Variants in MYCBP2 observed in about 807,000 individuals in gnomAD.
The protein encoded by MYCBP2 is MYC binding protein 2, also known as E3 ubiquitin-protein ligase MYCBP2.
MYCBP2 carries 120 observed loss-of-function variants against 525.3 expected under a neutral mutation model. The observed-to-expected ratio is 0.23, with a 90% CI of 0.20 to 0.27. The LOEUF (loss-of-function observed/expected upper bound fraction) is 0.27, where lower values mean the gene tolerates loss of function less well. Among genes scored for constraint, MYCBP2 ranks in the 10% least tolerant of loss-of-function variants. MYCBP2 has a pLI of 1.00. For synonymous variants in MYCBP2, 1,894 were observed against 1,955.8 expected (o/e 0.97, Z 0.83); for missense variants, 4,149 against 5,657.1 (o/e 0.73, Z 8.55).
In MYCBP2 at chr13:77,205,534, C is replaced by G; in HGVS notation, c.3654G>C (p.Glu1218Asp). Residue 1218 changes from glutamate to aspartate, a missense_variant, in exon 25 of 83, where the codon GAG (glutamate) becomes GAC (aspartate). Physicochemically the swap from Glu to Asp is conservative, Grantham distance 45. This residue lies in a region of MYCBP2 where 620 missense variants were observed against 795.5 expected (regional missense o/e 0.78). Transcript: ENST00000544440. ...AATAAACCTTCATTACTGCTTGAGT[C>G]TCTTCCTCTGTACTTGCAACACCCA... ...LKMGVASTEE[E>D]TQAVMKVYSK... The G allele has an allele frequency of 6.2e-7, 1 of 1,613,660 alleles. No individual in the cohort carries two copies. The highest frequency in any genetic ancestry group is 8.5e-7 in the Non-Finnish European group (1 of 1,179,774).
rs146002243 is a variant in MYCBP2, at chr13:77,296,824, T to C, written c.303-150A>G. The C allele has an allele frequency of 1.1e-3, 686 of 596,792 alleles. 5 individuals are homozygous for C. Among genetic ancestry groups the C allele is most frequent in the African/African-American group, 0.011 (554 of 51,764 alleles). The allele number at this position is 596,792 out of a possible 1,614,324, so 37.0% of individuals were successfully genotyped here. On this transcript the variant is annotated intron_variant, in intron 1 of 82. Coordinates refer to ENST00000544440, the MANE Select transcript of MYCBP2 (RefSeq NM_015057.5). ...AAACAATATACTTTACATACACATA[T>C]AAGATACTAACATATAAAGTAGCTA...
chr13:77,283,914 C>T (rs1567151981), intron 3 of MYCBP2, among the ~76,000 whole-genome samples: 1 of 151,956 alleles, frequency 6.6e-6, no homozygotes, highest in African/African-American at 2.4e-5. Context: ...AAAATAAAAA[C>T]AAAAATAATA....
chr13:77,144,206 T>A (rs1213296164), intron 49 of MYCBP2: 13 of 486,554 alleles, frequency 2.7e-5, no homozygotes, highest in Non-Finnish European at 4.8e-5. Context: ...ACTAGTAACA[T>A]CAGGAAATGG....
chr13:77,256,076 C>T (rs1474762268), intron 14 of MYCBP2, among the ~76,000 whole-genome samples: 1 of 151,986 alleles, frequency 6.6e-6, no homozygotes, highest in Non-Finnish European at 1.5e-5. Context: ...GCCCTTTGTT[C>T]TCTTCAATGG....
chr13:77,247,188 C>A (rs1369125306), intron 15 of MYCBP2, among the ~76,000 whole-genome samples: 1 of 152,076 alleles, frequency 6.6e-6, no homozygotes, highest in East Asian at 1.9e-4. Context: ...ACAGATAATA[C>A]AATCTCATAA....
intron 10 of MYCBP2, among the ~76,000 whole-genome samples, chr13:77,263,176 TTAC>T (rs2073581884): frequency 1.3e-5 from 2 of 152,020 alleles, no homozygotes; most frequent in Non-Finnish European, 2.9e-5. Context: ...GTAAGGCCAA[TTAC>T]CATTTTGACA....
chr13:77,068,469 A>G (rs2040570324), intron 70 of MYCBP2, 96 bp downstream of exon 70: 1 of 1,415,952 alleles, frequency 7.1e-7, no homozygotes, highest in African/African-American at 1.4e-5. Flanking sequence ...ATAAAAATCT[A>G]TACTTAGGGT....
rs199670865 is a variant in MYCBP2 at position 77,068,841 on chromosome 13, G to A, written c.11905-10C>T. On this transcript the variant is annotated splice_polypyrimidine_tract_variant and intron_variant, in intron 69 of 82. Transcript: ENST00000544440. ...CAATATGAGCACACACCTATTTAAA[G>A]TTAACACAGAACATGTAAAAATATA... 401 of 1,611,330 alleles carry A rather than the reference G, an allele frequency of 2.5e-4. No homozygotes were observed. The highest frequency in any genetic ancestry group is 3.2e-4 in the Non-Finnish European group (379 of 1,178,960).
At chr13:77,056,186 C>G (rs1017754106) in intron 79 of MYCBP2, among the ~76,000 whole-genome samples, 1 of 144,322 alleles carries the variant, frequency 6.9e-6, no homozygotes, top group Non-Finnish European at 1.5e-5. Context: ...GAAGGCAGAA[C>G]GCCAGGTGAC....
At position 77,206,905 on chromosome 13, in the gene MYCBP2, CAA is replaced by C. The variant is rs535734315; in HGVS notation, c.3417-82_3417-81del. On this transcript the variant is annotated intron_variant, in intron 23 of 82. Transcript: ENST00000544440. ...AATTCCTAAAACATAACTGATGATA[CAA>C]AGAGAATAAATAATATAGTCAGCTT... 6.0e-4 allele frequency: 727 copies of C among 1,209,518 alleles called. 2 individuals are homozygous for C. In the Middle Eastern group the frequency reaches 0.012, roughly 20 times the overall value. 74.9% of individuals were successfully genotyped at this position (1,209,518 alleles called of 1,614,324 possible). A position where few individuals can be genotyped will look rare whatever the true frequency, so the allele number is the denominator to read the frequency against.
rs367828120 is a variant in MYCBP2, at chr13:77,326,506, C to A, written c.270G>T (p.Gln90His). The change falls in exon 1 of 83, where the codon CAG becomes CAT. Residue 90 changes from glutamine (Q) to histidine (H), a missense_variant. This residue lies in a region of MYCBP2 where 413 missense variants were observed against 451.2 expected (regional missense o/e 0.92). Transcript: ENST00000544440. This position sits in a 1 kb window ranked among gnomAD's most constrained non-coding sequence, Gnocchi z 4.2. ...CTGGGTGTCCAGCGCTGCCGCCCCCCTGGTCCCTGTCATTGAGCGCAGCGG... is the reference window on the plus strand; with the variant it reads ...CTGGGTGTCCAGCGCTGCCGCCCCCATGGTCCCTGTCATTGAGCGCAGCGG... ...IYTAALNDRD[Q>H]GGGSAGHPAS... 3.8e-5 allele frequency: 61 copies of A among 1,593,312 alleles called. No homozygotes were observed. The highest frequency in any genetic ancestry group is 5.0e-5 in the Non-Finnish European group (58 of 1,170,656).
chr13:77,127,922 T>C (rs552027563), intron 52 of MYCBP2, among the ~76,000 whole-genome samples: 9 of 152,022 alleles, frequency 5.9e-5, no homozygotes, highest in South Asian at 2.1e-4. Context: ...TTTTTACTTA[T>C]ACAAATATGT....
intron 2 of MYCBP2, among the ~76,000 whole-genome samples, chr13:77,293,867 A>G (rs2077748906): frequency 6.6e-6 from 1 of 152,026 alleles, no homozygotes; most frequent in African/African-American, 2.4e-5. Context: ...AGCCTTGCTG[A>G]CACCTTGATT....
chr13:77,055,411 G>C (rs1352437100), intron 80 of MYCBP2, 147 bp downstream of exon 80: 6 of 716,168 alleles, frequency 8.4e-6, no homozygotes, highest in Non-Finnish European at 1.1e-5. Context: ...AGTTTTACTG[G>C]AAACATTGGG....
At position 77,061,201 on chromosome 13, in the gene MYCBP2, A is replaced by G. The variant is rs768964628; in HGVS notation, c.13004T>C (p.Met4335Thr). The G allele has an allele frequency of 1.2e-6, 2 of 1,609,414 alleles. No homozygotes were observed. Among genetic ancestry groups the G allele is most frequent in the Non-Finnish European group, 1.7e-6 (2 of 1,177,906 alleles). ...TTCTCGGAATTCCACCATTGCCTTC[A>G]TTGTTTTAGAATCTGCCAGTGCCAT... ...WLMALADSKTMKAMVEFREHT... is the reference protein window; with the variant it reads ...WLMALADSKTTKAMVEFREHT... The change falls in exon 76 of 83, where the codon ATG becomes ACG. Residue 4335 changes from methionine to threonine, a missense_variant. Physicochemically the swap from Met to Thr is moderately conservative, Grantham distance 81. Around this residue, in one of 21 missense-constraint regions of MYCBP2, gnomAD observed 220 missense variants for 396.0 expected, o/e 0.56. Transcript: ENST00000544440.
intron 46 of MYCBP2, among the ~76,000 whole-genome samples, chr13:77,153,020 G>A (rs564354928): frequency 4.4e-4 from 64 of 144,758 alleles, no homozygotes; most frequent in Admixed American, 6.4e-4. Flanking sequence ...AGCTGAAATC[G>A]TGCCACTGTA....
At chr13:77,068,243 T>C (rs75764975) in intron 70 of MYCBP2, among the ~76,000 whole-genome samples, 4,507 of 152,254 alleles carry the variant, frequency 0.03, 97 homozygotes, top group East Asian at 0.052. Context: ...TGGTAATTAC[T>C]AACCCAAGGC....
chr13:77,289,072 A>G (rs999554947), intron 2 of MYCBP2, among the ~76,000 whole-genome samples: 3 of 152,152 alleles, frequency 2.0e-5, no homozygotes, highest in Non-Finnish European at 4.4e-5. Context: ...CTGTTTTAAA[A>G]TATTTTAGAA....
Position 77,146,046 on chromosome 13 carries a change from A to G in MYCBP2, c.7187+116T>C, listed in dbSNP as rs573196327. 8.9e-3 allele frequency: 5,576 copies of G among 629,072 alleles called. 44 individuals are homozygous for G. Among genetic ancestry groups the G allele is most frequent in the Non-Finnish European group, 0.011 (4,237 of 378,372 alleles). The allele number at this position is 629,072 out of a possible 1,614,324, so 39.0% of individuals were successfully genotyped here. On this transcript the variant is annotated intron_variant, in intron 48 of 82. Coordinates refer to ENST00000544440, the MANE Select transcript of MYCBP2 (RefSeq NM_015057.5). ...TATATGACATCTCTATCGGCAACCT[A>G]GAAAAATGCTATAAAGTATTTATTT...
Sources: allele counts gnomAD v4.1 joint callset (sites outside exome capture counted in the v4.1 genomes callset), GRCh38; gene constraint gnomAD v4.1.1; regional missense constraint gnomAD v4.1.1; non-coding constraint Gnocchi (gnomAD v3.1); transcripts MANE v1.5; gene names NCBI Gene and HGNC (gene_info 2026-07-23, HGNC 2026-07-21).